The following CFAP61 variants were observed in gnomAD, a reference collection of about 807,000 sequenced individuals.
CFAP61 encodes cilia and flagella associated protein 61.
A neutral mutation model predicts 135.6 loss-of-function variants in CFAP61; 107 were observed. The observed-to-expected ratio is 0.79, with a 90% CI of 0.67 to 0.93. The LOEUF (loss-of-function observed/expected upper bound fraction) is 0.93, where lower values mean the gene tolerates loss of function less well. CFAP61 is among the 40% of genes least tolerant of loss of function. The probability of loss-of-function intolerance (pLI) is 0.00; values close to 1 mark genes in which losing one functional copy is unlikely to be tolerated. For missense variants in CFAP61, 1,507 were observed against 1,556.2 expected (o/e 0.97, Z 0.53); for synonymous variants, 575 against 578.5 (o/e 0.99, Z 0.09).
At chr20:20,211,400 T>G (rs2047627240) in intron 17 of CFAP61, among the ~76,000 whole-genome samples, 1 of 152,222 alleles carries the variant, frequency 6.6e-6, no homozygotes, top group Non-Finnish European at 1.5e-5. Flanking sequence ...ACTTTTAGTC[T>G]GAATGTTGCC....
intron 25 of CFAP61, among the ~76,000 whole-genome samples, chr20:20,318,058 A>G (rs1382392700): frequency 1.3e-5 from 2 of 152,196 alleles, no homozygotes; most frequent in Non-Finnish European, 2.9e-5. Context: ...CAGGCCCCCA[A>G]CTCAAACCCT....
At chr20:20,117,168 G>C (rs7274155) in intron 8 of CFAP61, among the ~76,000 whole-genome samples, 14,877 of 151,890 alleles carry the variant, frequency 0.098, 1,508 homozygotes, top group East Asian at 0.59. Flanking sequence ...CCAGCCTGGT[G>C]AACATGGTTC....
intron 2 of CFAP61, chr20:20,069,647 AG>A: frequency 2.3e-6 from 1 of 434,238 alleles, no homozygotes; most frequent in Admixed American, 2.5e-5. Context: ...ATAAGTCTGG[AG>A]AGACAGAAAC....
At chr20:20,185,829 A>C (rs1479485553) in intron 13 of CFAP61, among the ~76,000 whole-genome samples, 1 of 152,180 alleles carries the variant, frequency 6.6e-6, no homozygotes, top group African/African-American at 2.4e-5. Flanking sequence ...ACCTATACAT[A>C]TGGTATTGTT....
At chr20:20,224,579 T>C (rs2048602413) in intron 17 of CFAP61, among the ~76,000 whole-genome samples, 1 of 152,164 alleles carries the variant, frequency 6.6e-6, no homozygotes, top group African/African-American at 2.4e-5. Context: ...ATCTCTACAC[T>C]TAAAATCATC....
At chr20:20,212,222 G>T (rs138859663) in intron 17 of CFAP61, among the ~76,000 whole-genome samples, 43 of 152,204 alleles carry the variant, frequency 2.8e-4, no homozygotes, top group African/African-American at 1.0e-3. Context: ...ATAGTTCACA[G>T]AGCCCAAATT....
intron 20 of CFAP61, among the ~76,000 whole-genome samples, chr20:20,259,990 T>C (rs1271044860): frequency 6.6e-6 from 1 of 152,234 alleles, no homozygotes; most frequent in Non-Finnish European, 1.5e-5. Flanking sequence ...AACCAGTCCT[T>C]GTGGCACTTC....
At chr20:20,285,122 A>G (rs1020694773) in intron 22 of CFAP61, among the ~76,000 whole-genome samples, 9 of 152,190 alleles carry the variant, frequency 5.9e-5, no homozygotes, top group African/African-American at 2.2e-4. Flanking sequence ...CCATCTTCCA[A>G]CATCCATGCA....
At chr20:20,168,625 A>G (rs1392744854) in intron 12 of CFAP61, among the ~76,000 whole-genome samples, 1 of 152,236 alleles carries the variant, frequency 6.6e-6, no homozygotes, top group South Asian at 2.1e-4. Context: ...TTTAATTTAA[A>G]TGAATTTAAA....
At chr20:20,079,709 T>C (rs2046304467) in intron 6 of CFAP61, among the ~76,000 whole-genome samples, 2 of 152,326 alleles carry the variant, frequency 1.3e-5, no homozygotes, top group Non-Finnish European at 2.9e-5. Context: ...ATTCCTCATA[T>C]AAAATGATCT....
chr20:20,113,966 C>CA (rs11456473), intron 8 of CFAP61, among the ~76,000 whole-genome samples: 49,574 of 94,478 alleles, frequency 0.52, 12,422 homozygotes, highest in East Asian at 0.75. Context: ...CATGAGAGCT[C>CA]AAAAAAAAAA....
chr20:20,332,689 T>C (rs767271891), intron 25 of CFAP61, among the ~76,000 whole-genome samples: 5 of 152,146 alleles, frequency 3.3e-5, no homozygotes, highest in African/African-American at 4.8e-5. Flanking sequence ...TGATCATAGC[T>C]CACTACAGCC....
Position 20,340,687 on chromosome 20 carries a change from C to T in CFAP61, c.3423-1144C>T, listed in dbSNP as rs181665725. Among the ~76,000 whole-genome samples the T allele has an allele frequency of 3.9e-3, 601 of 152,158 alleles. 5 individuals carry two copies. The highest frequency in any genetic ancestry group is 0.027 in the Middle Eastern group (8 of 294). On this transcript the variant is annotated intron_variant, in intron 25 of 26. Transcript: ENST00000245957. ...GGTTCCGCCACCAGACGGAGGTGGC[C>T]GTAGACCCCCAAAACCAAGGGGGTG...
intron 2 of CFAP61, among the ~76,000 whole-genome samples, chr20:20,058,352 C>CTT (rs1555829810): frequency 6.6e-6 from 1 of 152,204 alleles, no homozygotes; most frequent in Non-Finnish European, 1.5e-5. Flanking sequence ...AAGCTAAGGA[C>CTT]TGTGTAGGGA....
intron 2 of CFAP61, among the ~76,000 whole-genome samples, chr20:20,061,340 G>A (rs1424746296): frequency 6.6e-6 from 1 of 152,176 alleles, no homozygotes; most frequent in Non-Finnish European, 1.5e-5. Context: ...CATAATAAAT[G>A]CATCTGGACA....
rs1159922483 is a variant in CFAP61, at chr20:20,052,594, G to A, written c.-37+3G>A. 2.8e-5 allele frequency: 45 copies of A among 1,613,716 alleles called. No homozygotes were observed. Among genetic ancestry groups the A allele is most frequent in the African/African-American group, 1.1e-4 (8 of 74,946 alleles). ...GGCGTCCTGGAGCTGCGGATGAGGT[G>A]GGTAACGCCGTGCTGACTAGCAGCG... On this transcript the variant is annotated splice_donor_region_variant and intron_variant, in intron 1 of 26. Transcript: ENST00000245957.
At chr20:20,161,495 C>T (rs962611797) in intron 10 of CFAP61, among the ~76,000 whole-genome samples, 1 of 152,182 alleles carries the variant, frequency 6.6e-6, no homozygotes, top group African/African-American at 2.4e-5. Flanking sequence ...GAAGAGTTTA[C>T]ATTGGCTTAG....
chr20:20,231,945 C>G (rs949267865), intron 18 of CFAP61, among the ~76,000 whole-genome samples: 1 of 151,758 alleles, frequency 6.6e-6, no homozygotes, highest in Admixed American at 6.6e-5. Flanking sequence ...ATTTGGCCAC[C>G]CCGTTCTTTG....
At chr20:20,314,739 A>G in intron 25 of CFAP61, among the ~76,000 whole-genome samples, 1 of 123,396 alleles carries the variant, frequency 8.1e-6, no homozygotes, top group Non-Finnish European at 1.6e-5. Context: ...TCCTGTGTCC[A>G]TGTGTTCTCA....
Sources: allele counts gnomAD v4.1 joint callset (sites outside exome capture counted in the v4.1 genomes callset), GRCh38; gene constraint gnomAD v4.1.1; transcripts MANE v1.5; gene names NCBI Gene and HGNC (gene_info 2026-07-23, HGNC 2026-07-21).